The following SPIDR variants were observed in gnomAD, a reference collection of about 807,000 sequenced individuals.
The protein encoded by SPIDR is scaffold protein involved in DNA repair.
Under a neutral mutation model 104.6 loss-of-function variants are expected in SPIDR, and 93 were observed. The observed-to-expected ratio is 0.89, with a 90% CI of 0.75 to 1.06. SPIDR has a LOEUF of 1.06. Among genes scored for constraint, SPIDR ranks in the 50% least tolerant of loss-of-function variants. The pLI is 0.00. For missense variants in SPIDR, 1,154 were observed against 1,111.2 expected (o/e 1.04, Z -0.55); for synonymous variants, 431 against 416.9 (o/e 1.03, Z -0.41).
At chr8:47,724,667 T>C (rs969163138) in intron 16 of SPIDR, among the ~76,000 whole-genome samples, 1 of 152,172 alleles carries the variant, frequency 6.6e-6, no homozygotes, top group African/African-American at 2.4e-5. Context: ...CTGAACATTT[T>C]CTCTGAGCAG....
intron 8 of SPIDR, among the ~76,000 whole-genome samples, chr8:47,505,607 G>GC (rs2081352905): frequency 6.6e-6 from 1 of 152,210 alleles, no homozygotes; most frequent in Non-Finnish European, 1.5e-5. Flanking sequence ...GCCTCGCCCT[G>GC]CTTCGGCTCA....
intron 8 of SPIDR, among the ~76,000 whole-genome samples, chr8:47,580,256 TA>T (rs1295982475): frequency 6.6e-6 from 1 of 152,200 alleles, no homozygotes; most frequent in East Asian, 1.9e-4. Flanking sequence ...TAAGTAACAC[TA>T]AATAACCCTA....
At chr8:47,555,072 A>G (rs2091156596) in intron 8 of SPIDR, among the ~76,000 whole-genome samples, 1 of 152,182 alleles carries the variant, frequency 6.6e-6, no homozygotes, top group Non-Finnish European at 1.5e-5. Flanking sequence ...CAAGTGGTAT[A>G]AAGTGGTATA....
intron 10 of SPIDR, chr8:47,660,468 T>C: frequency 1.0e-6 from 1 of 985,428 alleles, no homozygotes; most frequent in Non-Finnish European, 1.2e-6. Flanking sequence ...GGCTCAGAAA[T>C]GCACAGAATC....
At chr8:47,389,602 T>C (rs1158483789) in intron 5 of SPIDR, among the ~76,000 whole-genome samples, 2 of 140,556 alleles carry the variant, frequency 1.4e-5, no homozygotes, top group African/African-American at 2.7e-5. Context: ...GGCAGGAGAA[T>C]GGCGTGAACC....
rs534727330 is a variant in SPIDR at position 47,418,708 on chromosome 8, G to A, written c.877+10747G>A. On this transcript the variant is annotated intron_variant, in intron 7 of 19. Transcript: ENST00000297423. ...TCCCTGTCTTGTGCAGTTTTCAAAG[G>A]GAATGCTTCCAGTTTTTGCCCATTC... 1.3e-3 allele frequency among the ~76,000 whole-genome samples: 200 copies of A among 152,216 alleles called. 2 individuals are homozygous for A. Among genetic ancestry groups the A allele is most frequent in the Admixed American group, 3.7e-3 (57 of 15,292 alleles).
chr8:47,625,997 G>T (rs1434767752), intron 10 of SPIDR, among the ~76,000 whole-genome samples: 1 of 151,280 alleles, frequency 6.6e-6, no homozygotes, highest in Non-Finnish European at 1.5e-5. Context: ...ATACTACAAG[G>T]CTACAGTAAC....
intron 8 of SPIDR, among the ~76,000 whole-genome samples, chr8:47,554,387 T>A (rs931721713): frequency 5.9e-5 from 9 of 152,208 alleles, no homozygotes; most frequent in Admixed American, 5.9e-4. Flanking sequence ...CCTTGAGCTG[T>A]GATAGGCTCC....
intron 5 of SPIDR, among the ~76,000 whole-genome samples, chr8:47,381,359 T>C (rs991838903): frequency 5.3e-5 from 8 of 152,162 alleles, no homozygotes; most frequent in Non-Finnish European, 1.2e-4. Context: ...GCAGTCTTGG[T>C]TTTGATTATT....
At position 47,595,962 on chromosome 8, in the gene SPIDR, A is replaced by G. The variant is rs1235318698; in HGVS notation, c.1249A>G (p.Met417Val). 1.2e-6 allele frequency: 2 copies of G among 1,613,868 alleles called. No individual in the cohort carries two copies. The highest frequency in any genetic ancestry group is 1.7e-6 in the Non-Finnish European group (2 of 1,179,988). Residue 417 changes from methionine (M) to valine (V), a missense_variant, in exon 9 of 20, where the codon ATG becomes GTG. Transcript: ENST00000297423. ...LPRRSISLAQ[M>V]FVIKGLTNNS... The stretch of plus-strand genomic sequence containing the variant: ...AAGAAGAAGCATCTCTTTGGCCCAG[A>G]TGTTTGTAATTAAGGGTCTAACAAA...
rs370186316 is a variant in SPIDR, at chr8:47,486,529, A to G, written c.1097+45987A>G. On this transcript the variant is annotated intron_variant, in intron 8 of 19. Coordinates refer to ENST00000297423, the MANE Select transcript of SPIDR (RefSeq NM_001080394.4). ...ACAAAGATACTCCTCGAGAAGAGCAACTCCAAGACACATAATTGTCACATT... is the reference window on the plus strand; with the variant it reads ...ACAAAGATACTCCTCGAGAAGAGCAGCTCCAAGACACATAATTGTCACATT... 3.8e-3 allele frequency among the ~76,000 whole-genome samples: 578 copies of G among 152,226 alleles called. 3 individuals are homozygous for G. Among genetic ancestry groups the G allele is most frequent in the South Asian group, 0.023 (109 of 4,812 alleles).
At chr8:47,493,860 C>T (rs1026889673) in intron 8 of SPIDR, among the ~76,000 whole-genome samples, 5 of 152,122 alleles carry the variant, frequency 3.3e-5, no homozygotes, top group African/African-American at 7.2e-5. Context: ...AATGAATAAA[C>T]GCTTCCCCCA....
At chr8:47,536,456 A>G (rs1443178385) in intron 8 of SPIDR, among the ~76,000 whole-genome samples, 2 of 152,180 alleles carry the variant, frequency 1.3e-5, no homozygotes, top group Non-Finnish European at 2.9e-5. Context: ...CAAAATATAG[A>G]ACAAGAAATT....
intron 10 of SPIDR, among the ~76,000 whole-genome samples, chr8:47,664,810 C>T (rs1466019503): frequency 6.7e-6 from 1 of 148,312 alleles, no homozygotes; most frequent in Non-Finnish European, 1.5e-5. Context: ...GTGGAAGCAT[C>T]ACTTGAGCCT....
At chr8:47,719,750 C>T (rs536077879) in intron 16 of SPIDR, among the ~76,000 whole-genome samples, 2 of 151,946 alleles carry the variant, frequency 1.3e-5, no homozygotes, top group East Asian at 1.9e-4. Flanking sequence ...AGGGCCCCCA[C>T]ATCTCCCACA....
chr8:47,642,574 A>G (rs528515322), intron 10 of SPIDR, among the ~76,000 whole-genome samples: 1 of 152,226 alleles, frequency 6.6e-6, no homozygotes, highest in Non-Finnish European at 1.5e-5. Context: ...TGTTTTTCGT[A>G]TGCAAGAAAG....
intron 8 of SPIDR, among the ~76,000 whole-genome samples, chr8:47,501,403 C>T (rs1450393700): frequency 4.6e-5 from 7 of 152,054 alleles, no homozygotes; most frequent in Non-Finnish European, 1.0e-4. Context: ...CTCTTTGAAG[C>T]AATTGTGAAT....
chr8:47,710,589 C>T (rs975630069), intron 14 of SPIDR, among the ~76,000 whole-genome samples: 3 of 152,064 alleles, frequency 2.0e-5, no homozygotes, highest in African/African-American at 7.2e-5. Flanking sequence ...CTTCCTTAGC[C>T]TCCCGAGTAG....
intron 7 of SPIDR, among the ~76,000 whole-genome samples, chr8:47,421,278 G>A (rs925072781): frequency 6.6e-6 from 1 of 152,058 alleles, no homozygotes; most frequent in Non-Finnish European, 1.5e-5. Flanking sequence ...TTTTCACATA[G>A]TCCTATATTT....
Sources: gnomAD v4.1 joint callset for allele counts (sites outside exome capture counted in the v4.1 genomes callset) on GRCh38, gnomAD v4.1.1 for gene constraint, MANE v1.5 for transcripts, NCBI Gene and HGNC (gene_info 2026-07-23, HGNC 2026-07-21) for gene names.